The following CORIN variants were observed in gnomAD, a reference collection of about 807,000 sequenced individuals.
CORIN encodes corin, serine peptidase, also known as atrial natriuretic peptide-converting enzyme.
CORIN carries 117 observed loss-of-function variants against 125.3 expected under a neutral mutation model. The observed-to-expected ratio is 0.93, with a 90% CI of 0.80 to 1.09. CORIN has a LOEUF of 1.09. Ranked by LOEUF, CORIN falls within the 50% of genes least tolerant of loss-of-function variation. CORIN has a pLI of 0.00. For missense variants in CORIN, 1,253 were observed against 1,306.7 expected (o/e 0.96, Z 0.63); for synonymous variants, 450 against 466.4 (o/e 0.96, Z 0.45).
intron 10 of CORIN, among the ~76,000 whole-genome samples, chr4:47,667,958 G>GC (rs1353266020): frequency 1.8e-4 from 27 of 152,258 alleles, no homozygotes; most frequent in African/African-American, 6.3e-4. Context: ...TAAGGGTACA[G>GC]CCCCCAAGAA....
chr4:47,736,737 T>C (rs1488689520), intron 5 of CORIN, among the ~76,000 whole-genome samples: 1 of 152,234 alleles, frequency 6.6e-6, no homozygotes, highest in Non-Finnish European at 1.5e-5. Context: ...GAGTCTACAA[T>C]CTGTGTATGC....
At chr4:47,626,275 A>C in intron 17 of CORIN, 130 bp downstream of exon 17, 1 of 646,828 alleles carries the variant, frequency 1.5e-6, no homozygotes, top group Non-Finnish European at 2.8e-6. Flanking sequence ...AGGCAATAGT[A>C]AATCTATGGA....
chr4:47,712,202 T>A (rs750810135), intron 5 of CORIN, among the ~76,000 whole-genome samples: 2 of 152,234 alleles, frequency 1.3e-5, no homozygotes, highest in Non-Finnish European at 2.9e-5. Context: ...CATAATATAG[T>A]CATAATTAAC....
At chr4:47,828,964 T>C (rs368736927) in intron 1 of CORIN, among the ~76,000 whole-genome samples, 19 of 151,966 alleles carry the variant, frequency 1.3e-4, no homozygotes, top group African/African-American at 3.6e-4. Flanking sequence ...CGAGACCATC[T>C]TGGCTAACAC....
chr4:47,688,396 T>C (rs909587793), intron 6 of CORIN, among the ~76,000 whole-genome samples: 1 of 152,016 alleles, frequency 6.6e-6, no homozygotes, highest in African/African-American at 2.4e-5. Context: ...AGCTCAGGAG[T>C]TTGAGACCAG....
chr4:47,812,789 C>A (rs889427366), intron 1 of CORIN, among the ~76,000 whole-genome samples: 3 of 152,090 alleles, frequency 2.0e-5, no homozygotes, highest in Non-Finnish European at 4.4e-5. Context: ...TACCTGAACA[C>A]GGTCAGGAGT....
At chr4:47,812,347 A>T (rs968922459) in intron 1 of CORIN, among the ~76,000 whole-genome samples, 1 of 152,096 alleles carries the variant, frequency 6.6e-6, no homozygotes, top group Non-Finnish European at 1.5e-5. Flanking sequence ...AAAAGAAAAA[A>T]AATTAATGTT....
At chr4:47,620,749 C>G (rs1048271570) in intron 19 of CORIN, among the ~76,000 whole-genome samples, 3 of 152,190 alleles carry the variant, frequency 2.0e-5, no homozygotes, top group African/African-American at 4.8e-5. Flanking sequence ...AGGCATAGTT[C>G]TTAAAGCTCT....
chr4:47,706,658 C>G (rs968391380), intron 5 of CORIN: 3 of 1,610,384 alleles, frequency 1.9e-6, no homozygotes, highest in East Asian at 2.2e-5. Flanking sequence ...AAATTTTGCT[C>G]GAAGCCTTCA....
chr4:47,817,592 C>G (rs1732329463), intron 1 of CORIN, among the ~76,000 whole-genome samples: 1 of 152,166 alleles, frequency 6.6e-6, no homozygotes, highest in Non-Finnish European at 1.5e-5. Flanking sequence ...CTGGAAACTA[C>G]AAAACAGCTG....
At chr4:47,605,655 A>G (rs1721619649) in intron 19 of CORIN, among the ~76,000 whole-genome samples, 1 of 152,116 alleles carries the variant, frequency 6.6e-6, no homozygotes, top group East Asian at 1.9e-4. Context: ...AGCTAGACCA[A>G]TTGTTTTTCA....
chr4:47,775,607 A>C (rs1289313480), intron 3 of CORIN, among the ~76,000 whole-genome samples: 2 of 152,062 alleles, frequency 1.3e-5, no homozygotes, highest in African/African-American at 2.4e-5. Context: ...TTTCTTAATG[A>C]CTGGCATGCT....
chr4:47,614,325 A>C lies in CORIN; in HGVS notation c.2540+9246T>G, dbSNP rs1480082245. ...ATTCGCCTGCCTCAGCCTCCAGAGT[A>C]GCTGGGATTACAGGAGCCCACCACC... On this transcript the variant is annotated intron_variant, in intron 19 of 21. Transcript: ENST00000273857. Among the ~76,000 whole-genome samples, 3 of 152,262 alleles carry C rather than the reference A, an allele frequency of 2.0e-5. No homozygotes were observed. In the East Asian group the frequency reaches 5.8e-4, roughly 29 times the overall value.
intron 19 of CORIN, among the ~76,000 whole-genome samples, chr4:47,604,982 G>GGACT (rs1268503482): frequency 6.6e-6 from 1 of 152,126 alleles, no homozygotes; most frequent in Non-Finnish European, 1.5e-5. Flanking sequence ...CTCAACCCAA[G>GGACT]GACTTTCTTG....
rs1442266267 is a variant in CORIN, at chr4:47,594,319, A to G, written c.*1402T>C. The G allele has an allele frequency of 6.6e-6, 1 of 152,590 alleles. No individual in the cohort carries two copies. The highest frequency in any genetic ancestry group is 1.9e-4 in the East Asian group (1 of 5,204). 9.5% of individuals were successfully genotyped at this position (152,590 alleles called of 1,614,324 possible). ...ATACATGTATAAAATTGCAGGTAGTATCTATTTGGAATGCTGAGGCAGTCC... is the reference window on the plus strand; with the variant it reads ...ATACATGTATAAAATTGCAGGTAGTGTCTATTTGGAATGCTGAGGCAGTCC... On this transcript the variant is annotated 3_prime_UTR_variant, in exon 22 of 22. Transcript: ENST00000273857.
chr4:47,800,930 CT>C (rs1359865475), intron 2 of CORIN, among the ~76,000 whole-genome samples: 2 of 152,162 alleles, frequency 1.3e-5, no homozygotes, highest in Non-Finnish European at 2.9e-5. Context: ...TCAGCTTCTG[CT>C]TAATGCATTT....
intron 1 of CORIN, among the ~76,000 whole-genome samples, chr4:47,831,759 C>A (rs1044618796): frequency 6.6e-6 from 1 of 151,730 alleles, no homozygotes; most frequent in African/African-American, 2.4e-5. Context: ...ATATGTTCAC[C>A]GAGAACCTCA....
At chr4:47,739,533 T>G (rs542975305) in intron 5 of CORIN, among the ~76,000 whole-genome samples, 1 of 151,960 alleles carries the variant, frequency 6.6e-6, no homozygotes, top group Admixed American at 6.6e-5. Context: ...AACCACCCTG[T>G]AAGAAGTACT....
chr4:47,781,804 G>A (rs1730558810), intron 3 of CORIN, among the ~76,000 whole-genome samples: 1 of 152,068 alleles, frequency 6.6e-6, no homozygotes, highest in Non-Finnish European at 1.5e-5. Context: ...CAGGCATGGT[G>A]GCATGCGCCT....
Sources: gnomAD v4.1 joint callset for allele counts (sites outside exome capture counted in the v4.1 genomes callset) on GRCh38, gnomAD v4.1.1 for gene constraint, MANE v1.5 for transcripts, NCBI Gene and HGNC (gene_info 2026-07-23, HGNC 2026-07-21) for gene names.